The following GPATCH2 variants were observed in gnomAD, a reference collection of about 807,000 sequenced individuals.
GPATCH2 encodes the protein G patch domain-containing protein 2.
Under a neutral mutation model 58.0 loss-of-function variants are expected in GPATCH2, and 51 were observed. The ratio of observed to expected loss-of-function variants is 0.88; its 90% CI spans 0.70 to 1.11. The LOEUF (loss-of-function observed/expected upper bound fraction) is 1.11. GPATCH2 is among the 50% of genes most tolerant of loss of function. GPATCH2 has a pLI of 0.00. For synonymous variants in GPATCH2, 222 were observed against 218.5 expected (o/e 1.02, Z -0.14); for missense variants, 625 against 652.2 (o/e 0.96, Z 0.45).
In GPATCH2 at chr1:217,561,755, T is replaced by G. The variant is rs113495040; in HGVS notation, c.1099-46866A>C. 9.9e-3 allele frequency among the ~76,000 whole-genome samples: 1,513 copies of G among 152,230 alleles called. 28 individuals are homozygous for G. Among genetic ancestry groups the G allele is most frequent in the African/African-American group, 0.034 (1,428 of 41,530 alleles). ...AGATCATCACCACTGTTTTCATCCC[T>G]TGACAAGTGCAAGAAGTAGAGGAGA... is the stretch of plus-strand genomic sequence containing the variant. On this transcript the variant is annotated intron_variant, in intron 5 of 9. Transcript: ENST00000366935.
intron 5 of GPATCH2, among the ~76,000 whole-genome samples, chr1:217,569,010 A>C (rs988117348): frequency 5.9e-5 from 9 of 152,160 alleles, no homozygotes; most frequent in Non-Finnish European, 1.0e-4. Context: ...TTTACTAATG[A>C]ATTAAAATAT....
intron 5 of GPATCH2, among the ~76,000 whole-genome samples, chr1:217,532,552 C>T (rs1664245028): frequency 6.6e-6 from 1 of 151,954 alleles, no homozygotes; most frequent in African/African-American, 2.4e-5. Context: ...TCTAGAGAGC[C>T]ACAATGAATA....
At position 217,523,469 on chromosome 1, in the gene GPATCH2, T is replaced by G. The variant is rs543990828; in HGVS notation, c.1099-8580A>C. 1.8e-3 allele frequency among the ~76,000 whole-genome samples: 268 copies of G among 151,700 alleles called. 7 individuals are homozygous for G. The highest frequency in any genetic ancestry group is 5.9e-3 in the African/African-American group (244 of 41,066). On this transcript the variant is annotated intron_variant, in intron 5 of 9. Transcript: ENST00000366935. ...ACCCTGAGTGGACACAGCACATGTT[T>G]CAGAGAGCACAGGGTTGGGGGTAAG...
intron 5 of GPATCH2, among the ~76,000 whole-genome samples, chr1:217,518,892 A>G (rs1019319440): frequency 2.6e-5 from 4 of 152,146 alleles, no homozygotes; most frequent in African/African-American, 9.7e-5. Flanking sequence ...AGGCCTTTCC[A>G]TTTTGTGAGG....
intron 5 of GPATCH2, among the ~76,000 whole-genome samples, chr1:217,568,661 T>C (rs1004546454): frequency 4.6e-5 from 7 of 152,128 alleles, no homozygotes; most frequent in Non-Finnish European, 1.0e-4. Flanking sequence ...CCAGTGTTGC[T>C]AGACAGAAAT....
chr1:217,598,404 A>C (rs1667954085), intron 5 of GPATCH2, among the ~76,000 whole-genome samples: 1 of 151,942 alleles, frequency 6.6e-6, no homozygotes, highest in Non-Finnish European at 1.5e-5. Flanking sequence ...AAAACAAAAC[A>C]AAAAACCATA....
chr1:217,453,458 G>A (rs1048285123), intron 8 of GPATCH2, among the ~76,000 whole-genome samples: 2 of 152,236 alleles, frequency 1.3e-5, no homozygotes, highest in East Asian at 3.9e-4. Context: ...TTTGAAACAT[G>A]GTTTCCCAAG....
intron 5 of GPATCH2, among the ~76,000 whole-genome samples, chr1:217,561,575 T>A (rs1215483290): frequency 6.6e-6 from 1 of 152,198 alleles, no homozygotes; most frequent in African/African-American, 2.4e-5. Flanking sequence ...TTTCAAACTT[T>A]GATTTGTGCC....
chr1:217,465,044 G>C (rs1283675397), intron 8 of GPATCH2, among the ~76,000 whole-genome samples: 2 of 151,938 alleles, frequency 1.3e-5, no homozygotes, highest in African/African-American at 2.4e-5. Context: ...GGACTGGATA[G>C]AAGGAAGATT....
Position 217,476,389 on chromosome 1 carries a change from C to T in GPATCH2, c.1277+15291G>A, listed in dbSNP as rs564952831. On this transcript the variant is annotated intron_variant, in intron 8 of 9. Transcript: ENST00000366935. ...GACACCAATGTAACAACTATCTACA[C>T]AAAGAAAGCTCATTCATAGCAACCA... Among the ~76,000 whole-genome samples, 3 of 152,158 alleles carry T rather than the reference C, an allele frequency of 2.0e-5. No individual in the cohort carries two copies. The South Asian group carries it at 6.2e-4, about 32-fold the overall frequency.
At chr1:217,472,160 G>C (rs1395788391) in intron 8 of GPATCH2, among the ~76,000 whole-genome samples, 2 of 152,100 alleles carry the variant, frequency 1.3e-5, no homozygotes, top group African/African-American at 2.4e-5. Context: ...TGCCACAAAT[G>C]ATCAAGTTTG....
chr1:217,579,317 AAG>A (rs1333586742), intron 5 of GPATCH2, among the ~76,000 whole-genome samples: 1 of 152,140 alleles, frequency 6.6e-6, no homozygotes, highest in Non-Finnish European at 1.5e-5. Flanking sequence ...CAATTCATTA[AAG>A]AGAGTAATCA....
At chr1:217,483,710 T>C (rs1661322314) in intron 8 of GPATCH2, among the ~76,000 whole-genome samples, 1 of 152,242 alleles carries the variant, frequency 6.6e-6, no homozygotes, top group African/African-American at 2.4e-5. Context: ...GTGGTTTTAC[T>C]TTCCATTTTC....
At position 217,430,383 on chromosome 1, in the gene GPATCH2, A is replaced by T. The variant is rs1026290463; in HGVS notation, c.*762T>A. 2 of 152,238 alleles carry T rather than the reference A, an allele frequency of 1.3e-5. No individual in the cohort carries two copies. The highest frequency in any genetic ancestry group is 2.9e-5 in the Non-Finnish European group (2 of 68,040). The allele number at this position is 152,238 out of a possible 1,614,324, so 9.4% of individuals were successfully genotyped here. A position where few individuals can be genotyped will look rare whatever the true frequency, so the allele number is the denominator to read the frequency against. On this transcript the variant is annotated 3_prime_UTR_variant, in exon 10 of 10. Coordinates refer to ENST00000366935, the MANE Select transcript of GPATCH2 (RefSeq NM_018040.5). Reference sequence around the variant, plus strand: ...GTACATCTGGATTAATAGAATTTACAGTTCAATCACGGTGAATTTAAAAAA... The same window carrying T: ...GTACATCTGGATTAATAGAATTTACTGTTCAATCACGGTGAATTTAAAAAA...
At chr1:217,449,024 C>T (rs957261701) in intron 9 of GPATCH2, among the ~76,000 whole-genome samples, 2 of 152,114 alleles carry the variant, frequency 1.3e-5, no homozygotes, top group South Asian at 2.1e-4. Context: ...ATACCTTACA[C>T]GAAATCTTGC....
chr1:217,574,054 T>C (rs1666694039), intron 5 of GPATCH2, among the ~76,000 whole-genome samples: 1 of 152,198 alleles, frequency 6.6e-6, no homozygotes, highest in African/African-American at 2.4e-5. Context: ...AGTCTTAACA[T>C]GGATACCAAA....
At chr1:217,507,552 T>G (rs112474351) in intron 6 of GPATCH2, among the ~76,000 whole-genome samples, 1 of 152,172 alleles carries the variant, frequency 6.6e-6, no homozygotes, top group African/African-American at 2.4e-5. Flanking sequence ...TAAAATAAAA[T>G]TAACCACTCT....
At chr1:217,569,005 T>C (rs1361314046) in intron 5 of GPATCH2, among the ~76,000 whole-genome samples, 1 of 152,134 alleles carries the variant, frequency 6.6e-6, no homozygotes, top group Non-Finnish European at 1.5e-5. Context: ...TAGGATTTAC[T>C]AATGAATTAA....
chr1:217,529,786 A>T (rs1664099673), intron 5 of GPATCH2, among the ~76,000 whole-genome samples: 1 of 152,320 alleles, frequency 6.6e-6, no homozygotes, highest in East Asian at 1.9e-4. Flanking sequence ...AATGTAGTAA[A>T]TAAAGAAGGT....
Sources: allele counts gnomAD v4.1 joint callset (sites outside exome capture counted in the v4.1 genomes callset), GRCh38; gene constraint gnomAD v4.1.1; transcripts MANE v1.5; gene names NCBI Gene and HGNC (gene_info 2026-07-23, HGNC 2026-07-21).